The following ZMYM4 variants were observed in gnomAD, a reference collection of about 807,000 sequenced individuals.
ZMYM4 encodes the protein zinc finger MYM-type protein 4.
Under a neutral mutation model 183.2 loss-of-function variants are expected in ZMYM4, and 31 were observed. The ratio of observed to expected loss-of-function variants is 0.17; its 90% CI spans 0.13 to 0.23. The LOEUF is 0.23. Ranked by LOEUF, ZMYM4 falls within the 10% of genes least tolerant of loss-of-function variation. The pLI is 1.00. For synonymous variants in ZMYM4, 592 were observed against 631.2 expected (o/e 0.94, Z 0.93); for missense variants, 1,273 against 1,840.3 (o/e 0.69, Z 5.64).
intron 1 of ZMYM4, among the ~76,000 whole-genome samples, chr1:35,313,774 T>C (rs984950839): frequency 2.6e-5 from 4 of 152,166 alleles, no homozygotes; most frequent in African/African-American, 9.7e-5. Context: ...GCCTTTATTA[T>C]TGGAATTTTT....
chr1:35,360,086 C>G (rs962923351), intron 3 of ZMYM4, among the ~76,000 whole-genome samples: 1 of 151,964 alleles, frequency 6.6e-6, no homozygotes. Context: ...CATTTTCTCT[C>G]TGTATATTTG....
intron 5 of ZMYM4, among the ~76,000 whole-genome samples, chr1:35,365,776 T>G (rs1046595815): frequency 6.6e-6 from 1 of 152,324 alleles, no homozygotes; most frequent in South Asian, 2.1e-4. Context: ...CAATTAGATA[T>G]TTACTTCTCA....
chr1:35,341,172 A>G (rs1198764226), intron 2 of ZMYM4, among the ~76,000 whole-genome samples: 2 of 152,088 alleles, frequency 1.3e-5, no homozygotes, highest in African/African-American at 4.8e-5. Context: ...GCTTTGTGGT[A>G]TAGACATTTA....
At chr1:35,346,466 T>C (rs536629205) in intron 2 of ZMYM4, among the ~76,000 whole-genome samples, 172 of 151,880 alleles carry the variant, frequency 1.1e-3, no homozygotes, top group South Asian at 6.9e-3. Context: ...GCTTGGCCAA[T>C]GTGGTGAAAC....
intron 1 of ZMYM4, among the ~76,000 whole-genome samples, chr1:35,304,328 A>C (rs1641428091): frequency 6.6e-6 from 1 of 152,136 alleles, no homozygotes; most frequent in African/African-American, 2.4e-5. Context: ...CCGGCCATAC[A>C]GTTTCTTTAG....
intron 1 of ZMYM4, among the ~76,000 whole-genome samples, chr1:35,282,976 T>A (rs1640253707): frequency 7.5e-6 from 1 of 133,794 alleles, no homozygotes; most frequent in Non-Finnish European, 1.6e-5. Context: ...TTTCTGTGTG[T>A]GTGGTTTTTT....
intron 2 of ZMYM4, among the ~76,000 whole-genome samples, chr1:35,335,843 C>T (rs985833312): frequency 6.6e-6 from 1 of 152,122 alleles, no homozygotes; most frequent in Non-Finnish European, 1.5e-5. Flanking sequence ...GTCCCAGCTA[C>T]TCGGGAGGCT....
intron 1 of ZMYM4, among the ~76,000 whole-genome samples, chr1:35,289,926 A>G (rs757402981): frequency 1.9e-4 from 29 of 152,140 alleles, no homozygotes; most frequent in Non-Finnish European, 3.7e-4. Flanking sequence ...ACAATATATC[A>G]TAGTGATTGA....
In ZMYM4 at chr1:35,334,694, G is replaced by C. The variant is rs139045059; in HGVS notation, c.85+9289G>C. Among the ~76,000 whole-genome samples the C allele has an allele frequency of 2.6e-5, 4 of 152,272 alleles. No homozygotes were observed. In the East Asian group the frequency reaches 7.7e-4, roughly 29 times the overall value. On this transcript the variant is annotated intron_variant, in intron 2 of 29. Transcript: ENST00000314607. ...ACAGTAAAGCATACATCTGAAAGAA[G>C]ATTCAGATATACATAATAGACAATC...
intron 2 of ZMYM4, among the ~76,000 whole-genome samples, chr1:35,347,987 C>T (rs1643462700): frequency 6.6e-6 from 1 of 152,084 alleles, no homozygotes; most frequent in African/African-American, 2.4e-5. Flanking sequence ...TAGGTAATTG[C>T]TGAATGTTTT....
chr1:35,282,249 G>C (rs1469488480), intron 1 of ZMYM4, among the ~76,000 whole-genome samples: 5 of 152,198 alleles, frequency 3.3e-5, no homozygotes, highest in Admixed American at 2.6e-4. Context: ...TGTTTGGATA[G>C]TGGGGACACT....
intron 9 of ZMYM4, among the ~76,000 whole-genome samples, chr1:35,384,843 T>TTC (rs1262485266): frequency 5.0e-5 from 7 of 139,444 alleles, no homozygotes; most frequent in African/African-American, 1.4e-4. Flanking sequence ...TTCTTTTTCT[T>TTC]TTTTTTTTTT....
chr1:35,404,808 T>TCCA (rs1298491978), intron 23 of ZMYM4: 7 of 423,792 alleles, frequency 1.7e-5, no homozygotes, highest in African/African-American at 1.0e-4. Flanking sequence ...TACAGTGTGC[T>TCCA]CTTCTGCATT....
chr1:35,383,031 TTCTTA>T (rs1644499684), intron 9 of ZMYM4, among the ~76,000 whole-genome samples: 1 of 152,204 alleles, frequency 6.6e-6, no homozygotes, highest in African/African-American at 2.4e-5. Context: ...TAAGGGATTT[TTCTTA>T]TCTTTATGAA....
At chr1:35,412,341 A>T (rs901317559) in intron 26 of ZMYM4, among the ~76,000 whole-genome samples, 1 of 152,056 alleles carries the variant, frequency 6.6e-6, no homozygotes, top group African/African-American at 2.4e-5. Flanking sequence ...GGATTCTGTC[A>T]CCTGCAACTA....
chr1:35,353,927 T>G (rs1254657084), intron 2 of ZMYM4, among the ~76,000 whole-genome samples: 3 of 151,920 alleles, frequency 2.0e-5, no homozygotes, highest in Non-Finnish European at 4.4e-5. Flanking sequence ...GGAAGAGTGC[T>G]TGAGCCCAGG....
chr1:35,417,419 A>G (rs971266523), intron 28 of ZMYM4, among the ~76,000 whole-genome samples: 1 of 152,144 alleles, frequency 6.6e-6, no homozygotes, highest in Non-Finnish European at 1.5e-5. Flanking sequence ...TTCTTTTCTT[A>G]CCAAATAGTA....
At chr1:35,384,339 A>G (rs912446268) in intron 9 of ZMYM4, among the ~76,000 whole-genome samples, 1 of 152,230 alleles carries the variant, frequency 6.6e-6, no homozygotes, top group Non-Finnish European at 1.5e-5. Context: ...ATTCAGGCAT[A>G]TATTCACTTT....
intron 18 of ZMYM4, among the ~76,000 whole-genome samples, chr1:35,396,294 A>G (rs961405079): frequency 1.3e-5 from 2 of 151,986 alleles, no homozygotes; most frequent in African/African-American, 2.4e-5. Context: ...AATCCTTTCA[A>G]TTTATCCATC....
Sources: allele counts gnomAD v4.1 joint callset (sites outside exome capture counted in the v4.1 genomes callset), GRCh38; gene constraint gnomAD v4.1.1; transcripts MANE v1.5; gene names NCBI Gene and HGNC (gene_info 2026-07-23, HGNC 2026-07-21).